The following FBN2 variants were observed in gnomAD, a reference collection of about 807,000 sequenced individuals.
FBN2 encodes the protein fibrillin-2.
Under a neutral mutation model 355.6 loss-of-function variants are expected in FBN2, and 105 were observed. The ratio of observed to expected loss-of-function variants is 0.30; its 90% CI spans 0.25 to 0.35. The LOEUF (loss-of-function observed/expected upper bound fraction) is 0.35, where lower values mean the gene tolerates loss of function less well. Ranked by LOEUF, FBN2 falls within the 10% of genes least tolerant of loss-of-function variation. FBN2 has a pLI of 1.00. For missense variants in FBN2, 3,280 were observed against 3,758.7 expected, an observed-to-expected ratio of 0.87 and a Z score of 3.33; for synonymous variants, 1,350 against 1,301.2, an observed-to-expected ratio of 1.04 and a Z score of -0.81.
chr5:128,535,670 C>A (rs2112808118), intron 2 of FBN2, among the ~76,000 whole-genome samples: 1 of 152,244 alleles, frequency 6.6e-6, no homozygotes, highest in African/African-American at 2.4e-5. Context: ...ACTGGTTATA[C>A]ACTTTGGAAA....
intron 5 of FBN2, among the ~76,000 whole-genome samples, chr5:128,481,554 T>C (rs1411144551): frequency 6.6e-6 from 1 of 152,106 alleles, no homozygotes; most frequent in African/African-American, 2.4e-5. Context: ...CAGTTGAGTG[T>C]CCACATGTTT....
rs149191329 is a variant in FBN2, at chr5:128,342,751, G to A, written c.3343+1634C>T. ...AGGAGATTTTTTTTTTTTTTGAGATGGAGTTTTGCTCTCATTGCCCAGGCT... is the reference window on the plus strand; with the variant it reads ...AGGAGATTTTTTTTTTTTTTGAGATAGAGTTTTGCTCTCATTGCCCAGGCT... On this transcript the variant is annotated intron_variant, in intron 25 of 64. Coordinates refer to ENST00000262464, the MANE Select transcript of FBN2 (RefSeq NM_001999.4). Among the ~76,000 whole-genome samples the A allele has an allele frequency of 9.1e-3, 1,370 of 150,354 alleles. 5 individuals are homozygous for A. The highest frequency in any genetic ancestry group is 0.012 in the Non-Finnish European group (797 of 67,562).
chr5:128,289,061 AC>A, intron 52 of FBN2, 65 bp downstream of exon 52: 1 of 1,547,724 alleles, frequency 6.5e-7, no homozygotes, highest in Middle Eastern at 1.7e-4. Context: ...TACCTGAGAG[AC>A]CTTTTACTGA....
chr5:128,507,903 C>T (rs1756008450), intron 5 of FBN2, among the ~76,000 whole-genome samples: 1 of 151,970 alleles, frequency 6.6e-6, no homozygotes, highest in Non-Finnish European at 1.5e-5. Context: ...GATTTGTCTA[C>T]ACCTCCTTGC....
chr5:128,286,908 A>C, intron 54 of FBN2, 59 bp from the exon 55 acceptor site: 1 of 1,529,656 alleles, frequency 6.5e-7, no homozygotes, highest in Non-Finnish European at 8.9e-7. Context: ...TAGTACTTTT[A>C]AGTCACAGGT....
At chr5:128,320,868 T>A (rs1750350806) in intron 34 of FBN2, among the ~76,000 whole-genome samples, 1 of 152,232 alleles carries the variant, frequency 6.6e-6, no homozygotes, top group Admixed American at 6.5e-5. Flanking sequence ...AAAGTTGAAA[T>A]GTAATTTTTA....
chr5:128,430,965 T>C (rs977820245), intron 7 of FBN2, among the ~76,000 whole-genome samples: 9 of 152,338 alleles, frequency 5.9e-5, no homozygotes, highest in South Asian at 2.1e-4. Context: ...TCCCATGTAG[T>C]GTACAGGTAG....
chr5:128,268,363 A>C (rs1433952601), intron 62 of FBN2, among the ~76,000 whole-genome samples: 1 of 152,188 alleles, frequency 6.6e-6, no homozygotes, highest in Non-Finnish European at 1.5e-5. Flanking sequence ...AACAAGTTCT[A>C]AATTTGAGGC....
chr5:128,261,428 AT>A (rs1440648275), intron 64 of FBN2, among the ~76,000 whole-genome samples: 1 of 152,224 alleles, frequency 6.6e-6, no homozygotes, highest in South Asian at 2.1e-4. Context: ...AAATAATTTC[AT>A]TTTTTGAATC....
chr5:128,496,868 C>T (rs1022984660), intron 5 of FBN2, among the ~76,000 whole-genome samples: 4 of 151,740 alleles, frequency 2.6e-5, no homozygotes, highest in African/African-American at 4.8e-5. Flanking sequence ...CAAGATACAA[C>T]ATCAATACAC....
At chr5:128,342,979 C>T (rs778946216) in intron 25 of FBN2, among the ~76,000 whole-genome samples, 15 of 152,072 alleles carry the variant, frequency 9.9e-5, no homozygotes, top group Non-Finnish European at 1.9e-4. Flanking sequence ...CTGCCCGTCT[C>T]GGCCTCCCAA....
At chr5:128,420,186 T>C (rs1753311023) in intron 7 of FBN2, among the ~76,000 whole-genome samples, 1 of 152,216 alleles carries the variant, frequency 6.6e-6, no homozygotes. Context: ...TATATCACCA[T>C]TCTGAAAGCC....
At position 128,538,065 on chromosome 5, in the gene FBN2, A is replaced by C; in HGVS notation, c.-462T>G. 1 of 168,458 alleles carries C rather than the reference A, an allele frequency of 5.9e-6. No individual in the cohort carries two copies. The highest frequency in any genetic ancestry group is 1.3e-5 in the Non-Finnish European group (1 of 79,138). 10.4% of individuals were successfully genotyped at this position (168,458 alleles called of 1,614,324 possible). On this transcript the variant is annotated 5_prime_UTR_variant, in exon 1 of 65. Coordinates refer to ENST00000262464, the MANE Select transcript of FBN2 (RefSeq NM_001999.4). ...AAGCTGCAAAAGTCACCAGAAAGAA[A>C]CAGGCAAGCAAACAAAAGTCGCCCC...
chr5:128,388,407 T>A (rs1752422702), intron 11 of FBN2, among the ~76,000 whole-genome samples: 1 of 152,184 alleles, frequency 6.6e-6, no homozygotes. Flanking sequence ...TTATACAGAT[T>A]TAATTGTGTA....
intron 6 of FBN2, among the ~76,000 whole-genome samples, chr5:128,451,691 C>A (rs897279332): frequency 1.3e-5 from 2 of 152,156 alleles, no homozygotes; most frequent in Non-Finnish European, 2.9e-5. Flanking sequence ...TGAGCCACTG[C>A]GCACAGCCTT....
At position 128,349,400 on chromosome 5, in the gene FBN2, T is replaced by G. The variant is rs1273948321; in HGVS notation, c.2936A>C (p.His979Pro). ...CGTAAGGCCTTCAGGGCACTCGCAA[T>G]GAAAAGATCCCTTACTGTTGACACA... ...GRCVNSKGSFHCECPEGLTLD... is the reference protein window; with the variant it reads ...GRCVNSKGSFPCECPEGLTLD... The change falls in exon 23 of 65, where the codon CAT (histidine) becomes CCT (proline). Residue 979 changes from histidine to proline, a missense_variant. Around this residue, in one of 6 missense-constraint regions of FBN2, gnomAD observed 2,284 missense variants for 2,749.5 expected, o/e 0.83. Transcript: ENST00000262464. 6.2e-7 allele frequency: 1 copy of G among 1,613,990 alleles called. No homozygotes were observed. The highest frequency in any genetic ancestry group is 2.2e-5 in the East Asian group (1 of 44,896).
In FBN2 at chr5:128,408,947, A is replaced by G. The variant is rs529688431; in HGVS notation, c.953-148T>C. The stretch of plus-strand genomic sequence containing the variant: ...GAAGATACTCTTGTTTCAGGCCCCA[A>G]AGAATTTCTCACACATATCTATGGG... On this transcript the variant is annotated intron_variant, in intron 7 of 64. Coordinates refer to ENST00000262464, the MANE Select transcript of FBN2 (RefSeq NM_001999.4). The G allele has an allele frequency of 4.0e-5, 35 of 877,292 alleles. No individual in the cohort carries two copies. In the East Asian group the frequency reaches 8.7e-4, roughly 22 times the overall value. 54.3% of individuals were successfully genotyped at this position (877,292 alleles called of 1,614,324 possible). A position where few individuals can be genotyped will look rare whatever the true frequency, so the allele number is the denominator to read the frequency against.
intron 7 of FBN2, among the ~76,000 whole-genome samples, chr5:128,432,735 C>G (rs1753658380): frequency 6.6e-6 from 1 of 151,864 alleles, no homozygotes; most frequent in African/African-American, 2.4e-5. Context: ...TTTAATAAAA[C>G]TAGTATTTTA....
intron 7 of FBN2, among the ~76,000 whole-genome samples, chr5:128,411,894 T>C (rs1010386766): frequency 6.6e-6 from 1 of 152,246 alleles, no homozygotes; most frequent in East Asian, 1.9e-4. Flanking sequence ...TTTAGCTCTT[T>C]TGAATATTAG....
Sources: allele counts gnomAD v4.1 joint callset (sites outside exome capture counted in the v4.1 genomes callset), GRCh38; gene constraint gnomAD v4.1.1; regional missense constraint gnomAD v4.1.1; transcripts MANE v1.5; gene names NCBI Gene and HGNC (gene_info 2026-07-23, HGNC 2026-07-21).